APPL2: variants seen among roughly 807,000 people sequenced by gnomAD.
APPL2 encodes the protein adaptor protein, phosphotyrosine interacting with PH domain and leucine zipper 2.
APPL2 carries 84 observed loss-of-function variants against 92.7 expected under a neutral mutation model. The ratio of observed to expected loss-of-function variants is 0.91; its 90% confidence interval spans 0.76 to 1.09. The LOEUF (loss-of-function observed/expected upper bound fraction) is 1.09. APPL2 is among the 50% of genes least tolerant of loss of function. The pLI, the probability that APPL2 is intolerant of heterozygous loss-of-function variation, is 0.00. For missense variants in APPL2, 736 were observed against 824.5 expected (o/e 0.89, Z 1.31); for synonymous variants, 291 against 291.0 (o/e 1.00, Z 0.00).
intron 14 of APPL2, 41 bp downstream of exon 14, chr12:105,195,220 T>C (rs1461623272): frequency 6.3e-7 from 1 of 1,579,494 alleles, no homozygotes; most frequent in Non-Finnish European, 8.7e-7. Context: ...AATCAATAAT[T>C]TGGCTCCACA....
intron 17 of APPL2, 149 bp downstream of exon 17, chr12:105,188,124 C>A: frequency 1.2e-6 from 1 of 851,850 alleles, no homozygotes; most frequent in South Asian, 1.8e-5. Context: ...GGAGCACTTT[C>A]TAGGCTATCT....
In APPL2 at chr12:105,191,955, CTA is replaced by C. The variant is rs1315722577; in HGVS notation, c.1242-1802_1242-1801del. 2.6e-5 allele frequency among the ~76,000 whole-genome samples: 4 copies of C among 152,154 alleles called. 1 individual carries two copies. Among genetic ancestry groups the C allele is most frequent in the Admixed American group, 2.0e-4 (3 of 15,276 alleles). ...GGACCTCATCCACTGCTGTTCAGTG[CTA>C]TGAGTCCCCGATTCATACACCCAGA... is the stretch of plus-strand genomic sequence containing the variant. On this transcript the variant is annotated intron_variant, in intron 14 of 20. Coordinates refer to ENST00000258530, the MANE Select transcript of APPL2 (RefSeq NM_018171.5).
chr12:105,189,321 G>A (rs1055483132), intron 16 of APPL2, among the ~76,000 whole-genome samples: 21 of 152,154 alleles, frequency 1.4e-4, no homozygotes, highest in Admixed American at 7.9e-4. Context: ...GTGAGCCAGC[G>A]TGCCGGCCAT....
intron 2 of APPL2, 71 bp from the exon 3 acceptor site, chr12:105,217,796 T>G: frequency 7.0e-7 from 1 of 1,437,506 alleles, no homozygotes; most frequent in Non-Finnish European, 9.7e-7. Flanking sequence ...ATGCCATCTC[T>G]GAGAATCCCT....
At chr12:105,190,549 A>G (rs555281740) in intron 14 of APPL2, among the ~76,000 whole-genome samples, 2 of 152,260 alleles carry the variant, frequency 1.3e-5, no homozygotes, top group Admixed American at 1.3e-4. Context: ...TCTGGCTCTA[A>G]TTTCCCCAAA....
intron 2 of APPL2, 126 bp from the exon 3 acceptor site, chr12:105,217,851 C>A: frequency 1.3e-6 from 1 of 783,226 alleles, no homozygotes; most frequent in Non-Finnish European, 2.0e-6. Flanking sequence ...ACCTATAATC[C>A]TAGTACTTTG....
rs1885253812 is a variant in APPL2, at chr12:105,174,236, C to T, written c.*78G>A. 1 of 1,526,052 alleles carries T rather than the reference C, an allele frequency of 6.6e-7. No individual in the cohort carries two copies. Among genetic ancestry groups the T allele is most frequent in the Non-Finnish European group, 8.8e-7 (1 of 1,131,278 alleles). The allele number at this position is 1,526,052 out of a possible 1,614,324, so 94.5% of individuals were successfully genotyped here. A position where few individuals can be genotyped will look rare whatever the true frequency, so the allele number is the denominator to read the frequency against. On this transcript the variant is annotated 3_prime_UTR_variant, in exon 21 of 21. Transcript: ENST00000258530. Reference sequence around the variant, plus strand: ...AGCCTTCGGAAATCAGGTCAGTGTGCCTGTATGTCAGAGACGTTAAAACCC... The same window carrying T: ...AGCCTTCGGAAATCAGGTCAGTGTGTCTGTATGTCAGAGACGTTAAAACCC...
chr12:105,205,391 C>A (rs1434607643), intron 8 of APPL2, among the ~76,000 whole-genome samples: 1 of 152,220 alleles, frequency 6.6e-6, no homozygotes, highest in Admixed American at 6.5e-5. Flanking sequence ...TGACGGTGTG[C>A]TCTGCTGTTC....
At chr12:105,193,630 C>G (rs1385872295) in intron 14 of APPL2, among the ~76,000 whole-genome samples, 1 of 152,200 alleles carries the variant, frequency 6.6e-6, no homozygotes, top group Non-Finnish European at 1.5e-5. Flanking sequence ...CCTTAGAGTT[C>G]CATTTCATAA....
intron 8 of APPL2, among the ~76,000 whole-genome samples, chr12:105,204,840 G>A (rs551963528): frequency 7.9e-4 from 121 of 152,266 alleles, no homozygotes; most frequent in Middle Eastern, 3.4e-3. Context: ...ATGGATGAAC[G>A]GAAGGCAGGT....
At chr12:105,180,062 A>C (rs939011278) in intron 17 of APPL2, among the ~76,000 whole-genome samples, 2 of 152,138 alleles carry the variant, frequency 1.3e-5, no homozygotes, top group Non-Finnish European at 2.9e-5. Context: ...CTCTGTCCTG[A>C]ATGGTATTGC....
At chr12:105,234,517 A>C (rs997387188) in intron 1 of APPL2, among the ~76,000 whole-genome samples, 5 of 152,260 alleles carry the variant, frequency 3.3e-5, no homozygotes, top group African/African-American at 9.6e-5. Flanking sequence ...GAAATTAAGA[A>C]TATGATCTGT....
chr12:105,227,400 T>C (rs983092315), intron 2 of APPL2, among the ~76,000 whole-genome samples: 1 of 152,194 alleles, frequency 6.6e-6, no homozygotes. Flanking sequence ...TTTATCCACT[T>C]TGATGTCCCA....
intron 14 of APPL2, among the ~76,000 whole-genome samples, chr12:105,194,362 G>T (rs564825932): frequency 6.6e-6 from 1 of 152,278 alleles, no homozygotes; most frequent in Non-Finnish European, 1.5e-5. Flanking sequence ...AACAGTAAAC[G>T]CCAGGGAGAT....
In APPL2 at chr12:105,177,456, A is replaced by T. The variant is rs561602712; in HGVS notation, c.1635-194T>A. ...TAAGGAACCTGTGTAGCTAAAGCTCAGGGTACCTATAATGGAAGATTATAT... is the reference window on the plus strand; with the variant it reads ...TAAGGAACCTGTGTAGCTAAAGCTCTGGGTACCTATAATGGAAGATTATAT... On this transcript the variant is annotated intron_variant, in intron 17 of 20. Coordinates refer to ENST00000258530, the MANE Select transcript of APPL2 (RefSeq NM_018171.5). 3 of 602,918 alleles carry T rather than the reference A, an allele frequency of 5.0e-6. No individual in the cohort carries two copies. In the South Asian group the frequency reaches 6.1e-5, roughly 12 times the overall value. 37.3% of individuals were successfully genotyped at this position (602,918 alleles called of 1,614,324 possible).
At chr12:105,208,309 C>G in intron 5 of APPL2, 110 bp from the exon 6 acceptor site, 5 of 1,301,804 alleles carry the variant, frequency 3.8e-6, no homozygotes, top group Non-Finnish European at 5.5e-6. Context: ...AGGGAAGCCC[C>G]TGCACCCTCA....
Position 105,208,183 on chromosome 12 carries a change from C to T in APPL2, c.390G>A (p.Lys130=). Residue 130 remains lysine, a synonymous_variant, in exon 6 of 21, where the codon AAG becomes AAA. Coordinates refer to ENST00000258530, the MANE Select transcript of APPL2 (RefSeq NM_018171.5). ...EKDLTEVSTL[K]DLFGLASNEH... ...CATTGCTAGCGAGTCCAAATAGATCCTTTAAAGTGCTTACTTCTGAAAAGG... is the reference window on the plus strand; with the variant it reads ...CATTGCTAGCGAGTCCAAATAGATCTTTTAAAGTGCTTACTTCTGAAAAGG... The T allele has an allele frequency of 6.2e-7, 1 of 1,614,196 alleles. No individual in the cohort carries two copies. Among genetic ancestry groups the T allele is most frequent in the East Asian group, 2.2e-5 (1 of 44,880 alleles).
intron 9 of APPL2, among the ~76,000 whole-genome samples, chr12:105,199,807 CTTT>C (rs934531134): frequency 1.3e-5 from 2 of 151,266 alleles, no homozygotes; most frequent in African/African-American, 2.4e-5. Flanking sequence ...GCTACACAGT[CTTT>C]TTTTTTGTTG....
chr12:105,197,784 T>A lies in APPL2; in HGVS notation c.1033A>T (p.Thr345Ser). ...ACATACGATTTTCCATTGGGCGTGGTGATCTGGAAGCAGTAGCGCCGGTCT... is the reference window on the plus strand; with the variant it reads ...ACATACGATTTTCCATTGGGCGTGGAGATCTGGAAGCAGTAGCGCCGGTCT... ...CEDRRYCFQITTPNGKSGIIL... is the reference protein window; with the variant it reads ...CEDRRYCFQISTPNGKSGIIL... The change falls in exon 11 of 21, where the codon ACC becomes TCC. Residue 345 changes from threonine to serine, a missense_variant. Thr to Ser is a moderately conservative substitution (Grantham distance 58). Transcript: ENST00000258530. 1.2e-6 allele frequency: 2 copies of A among 1,614,148 alleles called. No individual in the cohort carries two copies. Among genetic ancestry groups the A allele is most frequent in the Non-Finnish European group, 1.7e-6 (2 of 1,180,020 alleles).
Sources: allele counts gnomAD v4.1 joint callset (sites outside exome capture counted in the v4.1 genomes callset), GRCh38; gene constraint gnomAD v4.1.1; transcripts MANE v1.5; gene names NCBI Gene and HGNC (gene_info 2026-07-23, HGNC 2026-07-21).